Variants in DRAXIN observed in about 807,000 individuals in gnomAD.
DRAXIN encodes the protein dorsal inhibitory axon guidance protein.
Under a neutral mutation model 33.9 loss-of-function variants are expected in DRAXIN, and 27 were observed. The ratio of observed to expected loss-of-function variants is 0.80; its 90% CI spans 0.59 to 1.10. The LOEUF (loss-of-function observed/expected upper bound fraction) is 1.10, where lower values mean the gene tolerates loss of function less well. Among genes scored for constraint, DRAXIN ranks in the 50% least tolerant of loss-of-function variants. The probability of loss-of-function intolerance (pLI) is 0.00; values close to 1 mark genes in which losing one functional copy is unlikely to be tolerated. For missense variants in DRAXIN, 371 were observed against 460.8 expected (o/e 0.81, Z 1.78); for synonymous variants, 178 against 194.0 (o/e 0.92, Z 0.69).
At chr1:11,701,914 C>G (rs1641280850) in intron 1 of DRAXIN, among the ~76,000 whole-genome samples, 1 of 152,190 alleles carries the variant, frequency 6.6e-6, no homozygotes, top group South Asian at 2.1e-4. Flanking sequence ...AGGCTGGCAT[C>G]TCAGTTGCTG....
At chr1:11,701,762 C>T (rs57672421) in intron 1 of DRAXIN, among the ~76,000 whole-genome samples, 7,462 of 152,250 alleles carry the variant, frequency 0.049, 261 homozygotes, top group South Asian at 0.093. Context: ...GCTGCCTCCT[C>T]CTTCTGCCTG....
chr1:11,706,266 G>T lies in DRAXIN; in HGVS notation c.8G>T (p.Gly3Val). MA[G>V]PAIHTAPMLF... ...TCTTGCAGGGAGGAGCCAATGGCTG[G>T]GCCTGCCATCCACACCGCTCCCATG... The change falls in exon 2 of 7, where the codon GGG (glycine) becomes GTG (valine). Residue 3 changes from glycine to valine, a missense_variant. Physicochemically the swap from Gly to Val is moderately radical, Grantham distance 109 (BLOSUM62 -3). Coordinates refer to ENST00000294485, the MANE Select transcript of DRAXIN (RefSeq NM_198545.4). The surrounding 1 kb of genome is among the most constrained non-coding windows in gnomAD (Gnocchi z 5.5). 6.3e-7 allele frequency: 1 copy of T among 1,590,744 alleles called. No individual in the cohort carries two copies. The highest frequency in any genetic ancestry group is 1.1e-5 in the South Asian group (1 of 88,238).
upstream of DRAXIN, among the ~76,000 whole-genome samples, chr1:11,690,746 G>C (rs1179451394): frequency 6.6e-6 from 1 of 152,114 alleles, no homozygotes; most frequent in Non-Finnish European, 1.5e-5. This position sits in a 1 kb window ranked among gnomAD's most constrained non-coding sequence, Gnocchi z 4.2. Context: ...CGACCCCGTC[G>C]TGAGTTATGG....
rs1226219865 is a variant in DRAXIN, at chr1:11,705,041, C to T, written c.-10-1208C>T. On this transcript the variant is annotated intron_variant, in intron 1 of 6. Transcript: ENST00000294485. The surrounding 1 kb of genome is among the most constrained non-coding windows in gnomAD (Gnocchi z 4.8). ...TAAGGTGACACTGGGGTGGGCCAGC[C>T]AGCATGGGGGCCGCAGGGAGAGGCG... Among the ~76,000 whole-genome samples the T allele has an allele frequency of 6.6e-6, 1 of 152,188 alleles. No homozygotes were observed. Among genetic ancestry groups the T allele is most frequent in the Non-Finnish European group, 1.5e-5 (1 of 68,030 alleles).
intron 6 of DRAXIN, among the ~76,000 whole-genome samples, chr1:11,717,997 T>A (rs1641604540): frequency 5.6e-5 from 2 of 35,452 alleles, no homozygotes; most frequent in Admixed American, 3.4e-4. Context: ...CAAGACCCTG[T>A]CTCAAAAAAA....
In DRAXIN at chr1:11,701,825, A is replaced by G. The variant is rs534793006; in HGVS notation, c.-10-4424A>G. ...CCAACTGGCTTTCAGAGTGACAGAA[A>G]TGGATTGGAGCCCTTGGTCGCTGTG... On this transcript the variant is annotated intron_variant, in intron 1 of 6. Transcript: ENST00000294485. 3.8e-4 allele frequency among the ~76,000 whole-genome samples: 58 copies of G among 152,306 alleles called. 1 individual carries two copies. In the South Asian group the frequency reaches 4.1e-3, roughly 11 times the overall value.
intron 6 of DRAXIN, among the ~76,000 whole-genome samples, chr1:11,717,051 G>A (rs182439696): frequency 2.0e-5 from 3 of 151,542 alleles, no homozygotes; most frequent in Non-Finnish European, 4.4e-5. Context: ...TTGGGAGGCC[G>A]AGGCAGGAGG....
chr1:11,713,357 G>A (rs973155059), intron 5 of DRAXIN, among the ~76,000 whole-genome samples: 18 of 152,160 alleles, frequency 1.2e-4, no homozygotes, highest in Admixed American at 9.2e-4. Context: ...GCCTTAAATC[G>A]GGATGATCCT....
chr1:11,701,750 G>C lies in DRAXIN; in HGVS notation c.-10-4499G>C, dbSNP rs779100881. Among the ~76,000 whole-genome samples the C allele has an allele frequency of 1.3e-5, 2 of 152,132 alleles. 1 individual carries two copies. The highest frequency in any genetic ancestry group is 1.3e-4 in the Admixed American group (2 of 15,280). On this transcript the variant is annotated intron_variant, in intron 1 of 6. Coordinates refer to ENST00000294485, the MANE Select transcript of DRAXIN (RefSeq NM_198545.4). ...GCCCCGGGCTGCGGGGAGGCGGAGG[G>C]GGCTGCCTCCTCCTTCTGCCTGGTT...
intron 3 of DRAXIN, among the ~76,000 whole-genome samples, chr1:11,711,410 A>G (rs896126688): frequency 9.2e-5 from 14 of 152,184 alleles, no homozygotes; most frequent in African/African-American, 3.1e-4. Context: ...AGTGGGACTG[A>G]GCCCTGGTTG....
At position 11,721,933 on chromosome 1, in the gene DRAXIN, C is replaced by A. The variant is rs1316766538; in HGVS notation, c.*2237C>A. ...AGTAAGGCGTTCGAGAACAGCCTGA[C>A]CAACATGGTGAAACCCCATCTCTAC... On this transcript the variant is annotated 3_prime_UTR_variant, in exon 7 of 7. Transcript: ENST00000294485. 6.6e-6 allele frequency: 1 copy of A among 152,140 alleles called. No homozygotes were observed. Among genetic ancestry groups the A allele is most frequent in the Non-Finnish European group, 1.5e-5 (1 of 68,046 alleles). 9.4% of individuals were successfully genotyped at this position (152,140 alleles called of 1,614,324 possible). A position where few individuals can be genotyped will look rare whatever the true frequency, so the allele number is the denominator to read the frequency against.
Position 11,719,691 on chromosome 1 carries a change from G to C in DRAXIN, c.1045G>C (p.Val349Leu), listed in dbSNP as rs200060632. 3.1e-4 allele frequency: 503 copies of C among 1,613,794 alleles called. 2 individuals carry two copies. In the East Asian group the frequency reaches 9.6e-3, roughly 31 times the overall value. ...ANGDQGSFIN[V>L] The stretch of plus-strand genomic sequence containing the variant: ...CGGCGACCAGGGATCCTTCATCAAC[G>C]TCTAGCGGCCCCGCGGGACTGGGGA... The change falls in exon 7 of 7, where the codon GTC (valine) becomes CTC (leucine). Residue 349 changes from valine (V) to leucine (L), a missense_variant. Physicochemically the swap from Val to Leu is conservative, Grantham distance 32. Coordinates refer to ENST00000294485, the MANE Select transcript of DRAXIN (RefSeq NM_198545.4).
rs1267299640 is a variant in DRAXIN, at chr1:11,692,212, T to C, written c.-11+359T>C. Among the ~76,000 whole-genome samples the C allele has an allele frequency of 2.0e-5, 3 of 152,162 alleles. No individual in the cohort carries two copies. Among genetic ancestry groups the C allele is most frequent in the Non-Finnish European group, 4.4e-5 (3 of 68,022 alleles). On this transcript the variant is annotated intron_variant, in intron 1 of 6. Coordinates refer to ENST00000294485, the MANE Select transcript of DRAXIN (RefSeq NM_198545.4). This position sits in a 1 kb window ranked among gnomAD's most constrained non-coding sequence, Gnocchi z 5.8. ...CTCTCCTCGGCACTAGCCTTCTCTC[T>C]CCCTGACCCAGTCTCCCTTTGTCTC...
intron 1 of DRAXIN, among the ~76,000 whole-genome samples, chr1:11,702,243 T>C (rs1427655335): frequency 7.7e-6 from 1 of 130,714 alleles, no homozygotes; most frequent in Non-Finnish European, 1.7e-5. Context: ...ACATACACGC[T>C]CTCACACACA....
At chr1:11,712,255 A>G in intron 4 of DRAXIN, 85 bp from the exon 5 acceptor site, 3 of 1,475,520 alleles carry the variant, frequency 2.0e-6, no homozygotes, top group Admixed American at 3.4e-5. Flanking sequence ...GAGTGGTGGT[A>G]TGGGCACTCC....
Position 11,696,626 on chromosome 1 carries a change from G to A in DRAXIN, c.-11+4773G>A, listed in dbSNP as rs774626418. ...AAAAAACACTTTGGGAGGCCAAAGC[G>A]AGCAGGTCACGAGGTCAAGAGATCG... On this transcript the variant is annotated intron_variant, in intron 1 of 6. Transcript: ENST00000294485. This position sits in a 1 kb window ranked among gnomAD's most constrained non-coding sequence, Gnocchi z 4.7. 1.9e-4 allele frequency among the ~76,000 whole-genome samples: 29 copies of A among 151,724 alleles called. No individual in the cohort carries two copies. Among genetic ancestry groups the A allele is most frequent in the South Asian group, 4.2e-4 (2 of 4,790 alleles).
At chr1:11,707,488 G>A (rs1176078389) in intron 2 of DRAXIN, among the ~76,000 whole-genome samples, 1 of 152,188 alleles carries the variant, frequency 6.6e-6, no homozygotes, top group African/African-American at 2.4e-5. Context: ...GTAAAGCAAG[G>A]AGACTGGTCC....
chr1:11,698,045 G>A (rs887798219), intron 1 of DRAXIN, among the ~76,000 whole-genome samples: 26 of 151,698 alleles, frequency 1.7e-4, no homozygotes, highest in African/African-American at 4.8e-4. Context: ...ATCCATACCC[G>A]GAACACCACC....
chr1:11,718,249 G>A (rs1641610216), intron 6 of DRAXIN, among the ~76,000 whole-genome samples: 1 of 146,124 alleles, frequency 6.8e-6, no homozygotes, highest in South Asian at 2.2e-4. Flanking sequence ...CCAGGAGGCA[G>A]AGGTTTCATA....
Sources: gnomAD v4.1 joint callset for allele counts (sites outside exome capture counted in the v4.1 genomes callset) on GRCh38, gnomAD v4.1.1 for gene constraint, Gnocchi (gnomAD v3.1) non-coding constraint, MANE v1.5 for transcripts, NCBI Gene and HGNC (gene_info 2026-07-23, HGNC 2026-07-21) for gene names.